The following EFCAB6 variants were observed in gnomAD, a reference collection of about 807,000 sequenced individuals.
EFCAB6 encodes EF-hand calcium-binding domain-containing protein 6.
EFCAB6 carries 156 observed loss-of-function variants against 169.8 expected under a neutral mutation model. The observed-to-expected ratio is 0.92, with a 90% CI of 0.81 to 1.05. The LOEUF is 1.05. Among genes scored for constraint, EFCAB6 ranks in the 50% least tolerant of loss-of-function variants. The pLI is 0.00. For missense variants in EFCAB6, 1,800 were observed against 1,829.1 expected, an observed-to-expected ratio of 0.98 and a Z score of 0.29; for synonymous variants, 698 against 676.4, an observed-to-expected ratio of 1.03 and a Z score of -0.50.
chr22:43,751,212 G>T lies in EFCAB6; in HGVS notation c.507+4554C>A, dbSNP rs545790951. On this transcript the variant is annotated intron_variant, in intron 6 of 31. Transcript: ENST00000262726. ...AAGAACGTATTTTTTTTGTGAGGGG[G>T]AGAGTCACGACCTTCTGAACATACA... is the stretch of plus-strand genomic sequence containing the variant. Among the ~76,000 whole-genome samples, 7 of 152,140 alleles carry T rather than the reference G, an allele frequency of 4.6e-5. No individual in the cohort carries two copies. In the South Asian group the frequency reaches 1.5e-3, roughly 32 times the overall value.
intron 8 of EFCAB6, among the ~76,000 whole-genome samples, chr22:43,719,190 C>T (rs1050416119): frequency 5.9e-5 from 9 of 152,184 alleles, no homozygotes; most frequent in Non-Finnish European, 1.3e-4. Context: ...GCACTCGGTA[C>T]GGTGTATTCA....
chr22:43,598,322 A>AACAAC (rs1555953910), intron 23 of EFCAB6, among the ~76,000 whole-genome samples: 3 of 130,238 alleles, frequency 2.3e-5, no homozygotes, highest in South Asian at 2.6e-4. Flanking sequence ...AAAAAAAAAA[A>AACAAC]AAAAAAAAAA....
chr22:43,683,907 G>T (rs767941655), intron 11 of EFCAB6, 52 bp from the exon 12 acceptor site: 1 of 1,427,368 alleles, frequency 7.0e-7, no homozygotes, highest in Non-Finnish European at 9.9e-7. Flanking sequence ...CTTGAACTTT[G>T]TTCTTTTCTT....
chr22:43,726,226 T>A (rs2059721454), intron 8 of EFCAB6, among the ~76,000 whole-genome samples: 1 of 147,078 alleles, frequency 6.8e-6, no homozygotes, highest in East Asian at 2.0e-4. Context: ...AGAACTTACC[T>A]TCTTATAATA....
intron 25 of EFCAB6, among the ~76,000 whole-genome samples, chr22:43,579,842 A>G (rs1437997953): frequency 1.3e-5 from 2 of 150,602 alleles, no homozygotes; most frequent in Non-Finnish European, 2.9e-5. Context: ...ATCATTCTCT[A>G]TATGCAGGCA....
Position 43,737,327 on chromosome 22 carries a change from CACAT to C in EFCAB6, c.508-1338_508-1335del, listed in dbSNP as rs1055081035. Among the ~76,000 whole-genome samples, 12 of 151,926 alleles carry C rather than the reference CACAT, an allele frequency of 7.9e-5. No homozygotes were observed. The South Asian group carries it at 2.1e-3, about 26-fold the overall frequency. ...GCACACACACCATCACTCACACACACACATATTCATACACACACCTGTGCATGTA... is the reference window on the plus strand; with the variant it reads ...GCACACACACCATCACTCACACACACATTCATACACACACCTGTGCATGTA... On this transcript the variant is annotated intron_variant, in intron 6 of 31. Transcript: ENST00000262726.
At chr22:43,596,750 T>C (rs2052043186) in intron 23 of EFCAB6, among the ~76,000 whole-genome samples, 1 of 151,894 alleles carries the variant, frequency 6.6e-6, no homozygotes, top group Non-Finnish European at 1.5e-5. Flanking sequence ...GAAAAAACAA[T>C]CCTAAAACTC....
chr22:43,705,439 A>C (rs920661077), intron 10 of EFCAB6, among the ~76,000 whole-genome samples: 26 of 152,184 alleles, frequency 1.7e-4, no homozygotes, highest in Non-Finnish European at 7.4e-5. Flanking sequence ...TCTCAAGCGC[A>C]AATGGAACAT....
chr22:43,756,191 T>G (rs2060951679), intron 5 of EFCAB6, among the ~76,000 whole-genome samples: 1 of 152,180 alleles, frequency 6.6e-6, no homozygotes, highest in Non-Finnish European at 1.5e-5. Flanking sequence ...TCATCCCTGC[T>G]TTACCGAGGA....
chr22:43,755,743 C>A (rs1482956381), intron 6 of EFCAB6, 23 bp downstream of exon 6: 2 of 1,578,114 alleles, frequency 1.3e-6, no homozygotes, highest in Non-Finnish European at 1.7e-6. Context: ...GGGGGGAAAT[C>A]ATTTCTTTAA....
chr22:43,573,561 T>A (rs1187387200), intron 26 of EFCAB6, among the ~76,000 whole-genome samples: 2 of 151,908 alleles, frequency 1.3e-5, no homozygotes, highest in Non-Finnish European at 2.9e-5. Flanking sequence ...AGAAACCCCA[T>A]CTCTACTAAA....
rs1168264216 is a variant in EFCAB6 at position 43,635,236 on chromosome 22, A to T, written c.1984-20T>A. 11 of 1,585,896 alleles carry T rather than the reference A, an allele frequency of 6.9e-6. No homozygotes were observed. Among genetic ancestry groups the T allele is most frequent in the African/African-American group, 6.7e-5 (5 of 74,276 alleles). On this transcript the variant is annotated intron_variant, in intron 17 of 31. Coordinates refer to ENST00000262726, the MANE Select transcript of EFCAB6 (RefSeq NM_022785.4). ...CAGTACCTGACGAGGGAGACAGGGG[A>T]GGGTGGAGAGGCGTTAGGTGGTCCG...
intron 17 of EFCAB6, among the ~76,000 whole-genome samples, chr22:43,639,951 C>T (rs1602845453): frequency 6.6e-6 from 1 of 152,144 alleles, no homozygotes; most frequent in East Asian, 1.9e-4. Flanking sequence ...TTTTTTGTTT[C>T]AGATATCTTA....
intron 6 of EFCAB6, among the ~76,000 whole-genome samples, chr22:43,741,896 G>C (rs964592769): frequency 2.0e-5 from 3 of 152,054 alleles, no homozygotes; most frequent in Non-Finnish European, 4.4e-5. Context: ...GGGAGACCTG[G>C]TCCCTGCTCA....
intron 11 of EFCAB6, among the ~76,000 whole-genome samples, chr22:43,684,550 T>C (rs992963582): frequency 3.3e-5 from 5 of 152,202 alleles, no homozygotes; most frequent in African/African-American, 1.2e-4. Context: ...CCATCCTACC[T>C]TTCCCATGAA....
chr22:43,720,349 T>TA (rs1441201810), intron 8 of EFCAB6, among the ~76,000 whole-genome samples: 6 of 59,558 alleles, frequency 1.0e-4, no homozygotes, highest in Non-Finnish European at 1.8e-4. Flanking sequence ...CTACAAAAGA[T>TA]TAAAAAAAAA....
At chr22:43,668,828 G>C in intron 16 of EFCAB6, 44 bp downstream of exon 16, 1 of 1,485,394 alleles carries the variant, frequency 6.7e-7, no homozygotes, top group Non-Finnish European at 9.0e-7. Context: ...TTCCATGACA[G>C]ACACTGTGGT....
intron 6 of EFCAB6, among the ~76,000 whole-genome samples, chr22:43,745,820 A>C (rs2060541091): frequency 6.6e-6 from 1 of 152,194 alleles, no homozygotes; most frequent in Non-Finnish European, 1.5e-5. Context: ...ATCAACCCAG[A>C]AGAAAGGAAG....
At chr22:43,641,509 G>C (rs1187873782) in intron 17 of EFCAB6, among the ~76,000 whole-genome samples, 1 of 152,024 alleles carries the variant, frequency 6.6e-6, no homozygotes, top group Non-Finnish European at 1.5e-5. Context: ...CCAGCTACTT[G>C]GGAGGCTGAG....
Sources: gnomAD v4.1 joint callset for allele counts (sites outside exome capture counted in the v4.1 genomes callset) on GRCh38, gnomAD v4.1.1 for gene constraint, MANE v1.5 for transcripts, NCBI Gene and HGNC (gene_info 2026-07-23, HGNC 2026-07-21) for gene names.